Variants in AGAP1 observed in about 807,000 individuals in gnomAD.
The protein encoded by AGAP1 is arf-GAP with GTPase, ANK repeat and PH domain-containing protein 1.
In AGAP1, 29 loss-of-function variants were observed where a neutral mutation model predicts 105.3. The observed-to-expected ratio is 0.28, with a 90% CI of 0.21 to 0.38. The LOEUF (loss-of-function observed/expected upper bound fraction) is 0.38, where lower values mean the gene tolerates loss of function less well. AGAP1 is among the 10% of genes least tolerant of loss of function. AGAP1 has a pLI of 1.00. For synonymous variants in AGAP1, 509 were observed against 485.9 expected, an observed-to-expected ratio of 1.05 and a Z score of -0.63; for missense variants, 998 against 1,165.1, an observed-to-expected ratio of 0.86 and a Z score of 2.09.
intron 16 of AGAP1, among the ~76,000 whole-genome samples, chr2:236,085,279 A>G (rs1432160834): frequency 6.6e-6 from 1 of 151,560 alleles, no homozygotes; most frequent in Non-Finnish European, 1.5e-5. Context: ...TGAACTGGCC[A>G]GGACAAATAG....
rs754791839 is a variant in AGAP1, at chr2:236,124,112, C to G, written c.2564C>G (p.Thr855Ser). The G allele has an allele frequency of 6.2e-7, 1 of 1,614,006 alleles. No individual in the cohort carries two copies. The highest frequency in any genetic ancestry group is 1.1e-5 in the South Asian group (1 of 91,066). ...NRNNSSGRVPTII is the reference protein window; with the variant it reads ...NRNNSSGRVPSII ...AACAACAGCAGTGGGAGGGTGCCCACCATCATCTGAGGAACAGCCGTGCCC... is the reference window on the plus strand; with the variant it reads ...AACAACAGCAGTGGGAGGGTGCCCAGCATCATCTGAGGAACAGCCGTGCCC... The change falls in exon 18 of 18, where the codon ACC becomes AGC. Residue 855 changes from threonine to serine, a missense_variant. This residue lies in a region of AGAP1 where 235 missense variants were observed against 270.7 expected (regional missense o/e 0.87). Transcript: ENST00000304032. This position sits in a 1 kb window ranked among gnomAD's most constrained non-coding sequence, Gnocchi z 5.1.
intron 1 of AGAP1, among the ~76,000 whole-genome samples, chr2:235,686,575 A>G (rs1949399143): frequency 7.2e-6 from 1 of 138,448 alleles, no homozygotes; most frequent in African/African-American, 2.7e-5. Context: ...ACACACACAC[A>G]CACACACACA....
At position 235,733,389 on chromosome 2, in the gene AGAP1, G is replaced by T. The variant is rs912310084; in HGVS notation, c.311-7574G>T. ...TGATGGGGTGTTGTTGGCTCAGGTT[G>T]TAGGAGAGATGAGGAGCCTCCGCCC... On this transcript the variant is annotated intron_variant, in intron 3 of 17. Coordinates refer to ENST00000304032, the MANE Select transcript of AGAP1 (RefSeq NM_001037131.3). This position sits in a 1 kb window ranked among gnomAD's most constrained non-coding sequence, Gnocchi z 5.0. Among the ~76,000 whole-genome samples, 7 of 152,186 alleles carry T rather than the reference G, an allele frequency of 4.6e-5. No homozygotes were observed. The highest frequency in any genetic ancestry group is 1.0e-4 in the Non-Finnish European group (7 of 68,034).
At position 235,874,016 on chromosome 2, in the gene AGAP1, A is replaced by G. The variant is rs918455316; in HGVS notation, c.1051-9329A>G. Among the ~76,000 whole-genome samples, 1 of 152,096 alleles carries G rather than the reference A, an allele frequency of 6.6e-6. No individual in the cohort carries two copies. The highest frequency in any genetic ancestry group is 2.4e-5 in the African/African-American group (1 of 41,404). On this transcript the variant is annotated intron_variant, in intron 9 of 17. Coordinates refer to ENST00000304032, the MANE Select transcript of AGAP1 (RefSeq NM_001037131.3). The surrounding 1 kb of genome is among the most constrained non-coding windows in gnomAD (Gnocchi z 4.5). ...AGTGCTGGGGTCACAGGCGTGAGCC[A>G]TCACGCCCAGCCCAGAACCGCATTC...
intron 10 of AGAP1, among the ~76,000 whole-genome samples, chr2:235,885,636 T>C (rs561831503): frequency 6.6e-6 from 1 of 152,348 alleles, no homozygotes; most frequent in East Asian, 1.9e-4. Context: ...AGAAGAGCTT[T>C]TCCTAATATG....
chr2:235,959,450 A>G lies in AGAP1; in HGVS notation c.1484-9012A>G, dbSNP rs1431696131. ...CCTTGAAAGCGAGCTCTCGACACCT[A>G]GAAGCCAGGGGCATTCATATTCCCG... On this transcript the variant is annotated intron_variant, in intron 12 of 17. Transcript: ENST00000304032. The surrounding 1 kb of genome is among the most constrained non-coding windows in gnomAD (Gnocchi z 7.3). 1.3e-5 allele frequency among the ~76,000 whole-genome samples: 2 copies of G among 152,192 alleles called. No homozygotes were observed. Among genetic ancestry groups the G allele is most frequent in the African/African-American group, 4.8e-5 (2 of 41,458 alleles).
intron 13 of AGAP1, among the ~76,000 whole-genome samples, chr2:235,999,460 GGTA>G (rs2055990186): frequency 6.8e-6 from 1 of 146,852 alleles, no homozygotes; most frequent in South Asian, 2.2e-4. Flanking sequence ...TGGTGACAAT[GGTA>G]GTAGTGATTG....
chr2:235,676,328 C>T (rs186539961), intron 1 of AGAP1, among the ~76,000 whole-genome samples: 6 of 152,330 alleles, frequency 3.9e-5, no homozygotes, highest in African/African-American at 9.6e-5. Context: ...GCATGAAGCA[C>T]GTATCATTCC....
rs1474329335 is a variant in AGAP1 at position 236,114,141 on chromosome 2, C to T, written c.2115-6051C>T. Among the ~76,000 whole-genome samples, 2 of 152,072 alleles carry T rather than the reference C, an allele frequency of 1.3e-5. No individual in the cohort carries two copies. Among genetic ancestry groups the T allele is most frequent in the African/African-American group, 2.4e-5 (1 of 41,414 alleles). ...TTTTTAGCTCATTAGCTAACGGAGG[C>T]TGTGAACGGTGATCCTCCCGGGGAT... On this transcript the variant is annotated intron_variant, in intron 16 of 17. Transcript: ENST00000304032. The surrounding 1 kb of genome is among the most constrained non-coding windows in gnomAD (Gnocchi z 5.0).
At chr2:236,028,533 G>A (rs559978109) in intron 13 of AGAP1, among the ~76,000 whole-genome samples, 2 of 152,248 alleles carry the variant, frequency 1.3e-5, no homozygotes, top group African/African-American at 4.8e-5. Flanking sequence ...TTGTTTGCTA[G>A]TGTACATTTT....
chr2:236,084,493 G>A (rs1414538478), intron 16 of AGAP1, among the ~76,000 whole-genome samples: 1 of 152,166 alleles, frequency 6.6e-6, no homozygotes, highest in Non-Finnish European at 1.5e-5. Context: ...GAAAATGCAG[G>A]ATGCAAACAA....
Position 235,992,824 on chromosome 2 carries a change from C to A in AGAP1, c.1645+24201C>A, listed in dbSNP as rs903466513. 6.6e-6 allele frequency among the ~76,000 whole-genome samples: 1 copy of A among 152,140 alleles called. No individual in the cohort carries two copies. Among genetic ancestry groups the A allele is most frequent in the Non-Finnish European group, 1.5e-5 (1 of 68,042 alleles). ...CTTTGGGGTAGACCAGCCGTTTCCA[C>A]GCACAGGCTGCACATTGTTTCATGG... On this transcript the variant is annotated intron_variant, in intron 13 of 17. Transcript: ENST00000304032. The surrounding 1 kb of genome is among the most constrained non-coding windows in gnomAD (Gnocchi z 4.8).
At chr2:235,786,660 T>C (rs986106349) in intron 6 of AGAP1, among the ~76,000 whole-genome samples, 2 of 152,210 alleles carry the variant, frequency 1.3e-5, no homozygotes, top group East Asian at 3.9e-4. Context: ...TCAGTTGTAA[T>C]AAGTCCATTT....
chr2:235,966,957 C>T (rs921289917), intron 12 of AGAP1, among the ~76,000 whole-genome samples: 2 of 152,188 alleles, frequency 1.3e-5, no homozygotes, highest in Admixed American at 1.3e-4. Flanking sequence ...CCTAGAACTT[C>T]ACAAAATAAA....
intron 1 of AGAP1, among the ~76,000 whole-genome samples, chr2:235,661,421 C>T (rs1947948349): frequency 6.7e-6 from 1 of 150,248 alleles, no homozygotes; most frequent in Non-Finnish European, 1.5e-5. Context: ...GGAGGCAGGA[C>T]ATTGAGGGAG....
intron 6 of AGAP1, among the ~76,000 whole-genome samples, chr2:235,782,335 T>C (rs572166990): frequency 2.6e-5 from 4 of 152,320 alleles, no homozygotes; most frequent in African/African-American, 9.6e-5. Flanking sequence ...ATCTTTCTCA[T>C]GTATATTATT....
intron 10 of AGAP1, among the ~76,000 whole-genome samples, chr2:235,894,465 A>G (rs1389998162): frequency 6.6e-6 from 1 of 152,214 alleles, no homozygotes; most frequent in Non-Finnish European, 1.5e-5. Context: ...TGACGTGTAG[A>G]TACTGCCTAC....
intron 9 of AGAP1, among the ~76,000 whole-genome samples, chr2:235,838,708 C>A (rs1313930616): frequency 6.6e-6 from 1 of 152,244 alleles, no homozygotes; most frequent in African/African-American, 2.4e-5. Context: ...TAGGTATGCA[C>A]TAGAATGTGC....
At chr2:235,803,831 C>A (rs1471603757) in intron 8 of AGAP1, among the ~76,000 whole-genome samples, 1 of 152,072 alleles carries the variant, frequency 6.6e-6, no homozygotes, top group Admixed American at 6.6e-5. Flanking sequence ...CTTTACTAAT[C>A]AAACACTGAG....
Sources: allele counts gnomAD v4.1 joint callset (sites outside exome capture counted in the v4.1 genomes callset), GRCh38; gene constraint gnomAD v4.1.1; regional missense constraint gnomAD v4.1.1; non-coding constraint Gnocchi (gnomAD v3.1); transcripts MANE v1.5; gene names NCBI Gene and HGNC (gene_info 2026-07-23, HGNC 2026-07-21).